Variants in LRP1B observed in about 807,000 individuals in gnomAD.
LRP1B encodes low-density lipoprotein receptor-related protein 1B.
Under a neutral mutation model 556.6 loss-of-function variants are expected in LRP1B, and 217 were observed. The observed-to-expected ratio is 0.39, with a 90% CI of 0.35 to 0.44. The LOEUF (loss-of-function observed/expected upper bound fraction) is 0.44. LRP1B is among the 20% of genes least tolerant of loss of function. The pLI, the probability that LRP1B is intolerant of heterozygous loss-of-function variation, is 1.00. For missense variants in LRP1B, 5,053 were observed against 5,620.8 expected, an observed-to-expected ratio of 0.90 and a Z score of 3.23; for synonymous variants, 2,047 against 1,865.8, an observed-to-expected ratio of 1.10 and a Z score of -2.50.
At chr2:140,751,882 T>G (rs187425785) in intron 35 of LRP1B, among the ~76,000 whole-genome samples, 1 of 152,290 alleles carries the variant, frequency 6.6e-6, no homozygotes, top group Non-Finnish European at 1.5e-5. Context: ...TCAGAAAAGT[T>G]ATTACTAAAC....
chr2:140,454,098 A>G (rs1229951835), intron 62 of LRP1B, among the ~76,000 whole-genome samples: 2 of 152,108 alleles, frequency 1.3e-5, no homozygotes, highest in Non-Finnish European at 2.9e-5. Flanking sequence ...AGGGATAACC[A>G]CTAACAGTTT....
At chr2:141,533,079 C>T (rs1218073271) in intron 2 of LRP1B, among the ~76,000 whole-genome samples, 1 of 152,144 alleles carries the variant, frequency 6.6e-6, no homozygotes, top group Non-Finnish European at 1.5e-5. Context: ...ACCAATTGAG[C>T]TTCCTCTCCT....
chr2:140,628,912 G>C (rs1683777123), intron 41 of LRP1B, among the ~76,000 whole-genome samples: 2 of 152,044 alleles, frequency 1.3e-5, no homozygotes, highest in Admixed American at 1.3e-4. Context: ...CAGCCATATA[G>C]GCCATGCCTT....
chr2:141,690,558 G>T (rs185374436), intron 2 of LRP1B, among the ~76,000 whole-genome samples: 141 of 149,654 alleles, frequency 9.4e-4, no homozygotes, highest in Non-Finnish European at 7.7e-4. Flanking sequence ...GGGGTCAACT[G>T]CAAATAAACT....
chr2:140,417,196 C>A (rs1685237931), intron 66 of LRP1B, among the ~76,000 whole-genome samples: 1 of 152,152 alleles, frequency 6.6e-6, no homozygotes, highest in Admixed American at 6.5e-5. Context: ...GCTAACACTT[C>A]ATCAAATGTG....
At chr2:141,000,744 A>G (rs1697394706) in intron 15 of LRP1B, among the ~76,000 whole-genome samples, 1 of 152,106 alleles carries the variant, frequency 6.6e-6, no homozygotes, top group Non-Finnish European at 1.5e-5. Flanking sequence ...AAGTCATGAT[A>G]AAGGCTTTGT....
intron 82 of LRP1B, among the ~76,000 whole-genome samples, chr2:140,320,365 A>G (rs1680039794): frequency 6.6e-6 from 1 of 152,142 alleles, no homozygotes; most frequent in Admixed American, 6.5e-5. Flanking sequence ...AGTGCCTTAT[A>G]AAGAGCACAA....
At chr2:141,353,237 T>C (rs1014917902) in intron 3 of LRP1B, among the ~76,000 whole-genome samples, 3 of 151,916 alleles carry the variant, frequency 2.0e-5, no homozygotes, top group Non-Finnish European at 4.4e-5. Flanking sequence ...CAAGGATAGT[T>C]GTTAACCTCA....
At position 140,494,008 on chromosome 2, in the gene LRP1B, ATCAGTCATGTTCTACT is replaced by A. The variant is rs758044660; in HGVS notation, c.9035-1331_9035-1316del. ...TTTCTCAATTATAAATATAAAATTA[ATCAGTCATGTTCTACT>A]TCACTGCTTAGGCAATTCTGTTCTT... On this transcript the variant is annotated intron_variant, in intron 56 of 90. Transcript: ENST00000389484. 1.6e-3 allele frequency among the ~76,000 whole-genome samples: 243 copies of A among 152,328 alleles called. 1 individual carries two copies. Among genetic ancestry groups the A allele is most frequent in the Middle Eastern group, 3.4e-3 (1 of 294 alleles).
intron 3 of LRP1B, among the ~76,000 whole-genome samples, chr2:141,394,268 T>C (rs2104911489): frequency 1.3e-5 from 2 of 152,262 alleles, no homozygotes; most frequent in East Asian, 3.9e-4. Context: ...AATAATTGTG[T>C]AAACTTTCAG....
chr2:140,718,385 A>C (rs1360578612), intron 35 of LRP1B, among the ~76,000 whole-genome samples: 1 of 151,982 alleles, frequency 6.6e-6, no homozygotes, highest in African/African-American at 2.4e-5. Context: ...TTTTTTGTTC[A>C]CTTTTTTCTT....
intron 3 of LRP1B, among the ~76,000 whole-genome samples, chr2:141,463,607 A>AT (rs1173895511): frequency 0.07 from 7,563 of 108,278 alleles, 527 homozygotes; most frequent in African/African-American, 0.098. Context: ...ATTATATATT[A>AT]TATATAATTA....
chr2:140,256,449 CTTTTTTTTTTTTTTTTTTTTTTTTT>C (rs764826231), intron 86 of LRP1B, among the ~76,000 whole-genome samples: 1 of 25,292 alleles, frequency 4.0e-5, no homozygotes. Context: ...TTTTTCCTTC[CTTTTTTTTTTTTTTTTTTTTTTTTT>C]TTTTTTTTTT....
At chr2:141,287,321 A>C (rs934365537) in intron 3 of LRP1B, among the ~76,000 whole-genome samples, 5 of 141,946 alleles carry the variant, frequency 3.5e-5, no homozygotes, top group Non-Finnish European at 6.2e-5. Context: ...TGCTTTCTTT[A>C]TTTTTCTTTT....
At chr2:140,755,686 G>A (rs956035218) in intron 35 of LRP1B, among the ~76,000 whole-genome samples, 1 of 151,860 alleles carries the variant, frequency 6.6e-6, no homozygotes, top group African/African-American at 2.4e-5. Context: ...CCTGATAAAT[G>A]ATATCCACAA....
intron 1 of LRP1B, among the ~76,000 whole-genome samples, chr2:141,927,048 G>C (rs1700353589): frequency 6.6e-6 from 1 of 152,014 alleles, no homozygotes; most frequent in African/African-American, 2.4e-5. Context: ...TTGCCTCTTT[G>C]ATTAGTTTAT....
chr2:141,919,515 ATAAT>A (rs751923332), intron 1 of LRP1B, among the ~76,000 whole-genome samples: 20 of 152,192 alleles, frequency 1.3e-4, no homozygotes, highest in Middle Eastern at 3.4e-3. Flanking sequence ...TGCTCCTGAA[ATAAT>A]TATTTTAATT....
rs182960744 is a variant in LRP1B, at chr2:141,086,923, A to G, written c.1014-24650T>C. On this transcript the variant is annotated intron_variant, in intron 7 of 90. Transcript: ENST00000389484. ...ACCAATGGTTCCATTGCTGCCAACA[A>G]TACATAATACTTGTGGAAATGAGAA... Among the ~76,000 whole-genome samples the G allele has an allele frequency of 5.7e-4, 87 of 152,300 alleles. No individual in the cohort carries two copies. In the East Asian group the frequency reaches 0.015, roughly 27 times the overall value.
chr2:141,927,383 T>C (rs1384516238), intron 1 of LRP1B, among the ~76,000 whole-genome samples: 1 of 152,108 alleles, frequency 6.6e-6, no homozygotes, highest in East Asian at 1.9e-4. Context: ...GTAAACGATA[T>C]TTTTATAAAA....
Sources: gnomAD v4.1 joint callset for allele counts (sites outside exome capture counted in the v4.1 genomes callset) on GRCh38, gnomAD v4.1.1 for gene constraint, MANE v1.5 for transcripts, NCBI Gene and HGNC (gene_info 2026-07-23, HGNC 2026-07-21) for gene names.